The following BCAS3 variants were observed in gnomAD, a reference collection of about 807,000 sequenced individuals.
The protein encoded by BCAS3 is BCAS4/BCAS3 fusion.
A neutral mutation model predicts 116.1 loss-of-function variants in BCAS3; 53 were observed. The observed-to-expected ratio is 0.46, with a 90% CI of 0.37 to 0.57. The LOEUF is 0.57. Ranked by LOEUF, BCAS3 falls within the 20% of genes least tolerant of loss-of-function variation. The pLI is 0.00. For missense variants in BCAS3, 917 were observed against 1,165.4 expected, an observed-to-expected ratio of 0.79 and a Z score of 3.10; for synonymous variants, 391 against 408.2, an observed-to-expected ratio of 0.96 and a Z score of 0.51.
intron 7 of BCAS3, among the ~76,000 whole-genome samples, chr17:60,847,674 T>G (rs1236948809): frequency 6.6e-6 from 1 of 152,210 alleles, no homozygotes; most frequent in East Asian, 1.9e-4. Flanking sequence ...TGCCCACTTT[T>G]TTTTTCTCAT....
At chr17:61,247,069 T>C (rs1490117717) in intron 22 of BCAS3, among the ~76,000 whole-genome samples, 1 of 152,160 alleles carries the variant, frequency 6.6e-6, no homozygotes, top group African/African-American at 2.4e-5. Context: ...TGTATATTAA[T>C]TTCACTGCTA....
At chr17:60,733,654 C>A (rs2040683778) in intron 5 of BCAS3, among the ~76,000 whole-genome samples, 1 of 151,990 alleles carries the variant, frequency 6.6e-6, no homozygotes, top group Admixed American at 6.6e-5. Context: ...CCAGCCTGGG[C>A]AACTTTGTGA....
chr17:61,044,353 A>G lies in BCAS3; in HGVS notation c.2029+3461A>G, dbSNP rs914267890. ...TCCCAGCAACTCGGGAGGCTGAGGC[A>G]GGAGAATGGCGTGAGCCTGGGAGGC... On this transcript the variant is annotated intron_variant, in intron 19 of 23. Coordinates refer to ENST00000407086, the MANE Select transcript of BCAS3 (RefSeq NM_017679.5). 6.0e-5 allele frequency among the ~76,000 whole-genome samples: 9 copies of G among 150,842 alleles called. No individual in the cohort carries two copies. In the East Asian group the frequency reaches 1.8e-3, roughly 30 times the overall value.
chr17:60,686,516 AAT>A (rs2034070338), intron 3 of BCAS3, among the ~76,000 whole-genome samples: 2 of 151,970 alleles, frequency 1.3e-5, no homozygotes, highest in African/African-American at 4.8e-5. Context: ...CACTTATGAA[AAT>A]TTATTTATTT....
At position 61,037,479 on chromosome 17, in the gene BCAS3, A is replaced by C. The variant is rs1364316344; in HGVS notation, c.1763-410A>C. Among the ~76,000 whole-genome samples, 2 of 152,196 alleles carry C rather than the reference A, an allele frequency of 1.3e-5. No individual in the cohort carries two copies. The highest frequency in any genetic ancestry group is 4.8e-5 in the African/African-American group (2 of 41,456). The stretch of plus-strand genomic sequence containing the variant: ...GGCAAGGAACAAGCACCATATGAAA[A>C]AATTCCTGTCGTCTGAGCATGGTGG... On this transcript the variant is annotated intron_variant, in intron 17 of 23. Transcript: ENST00000407086. The surrounding 1 kb of genome is among the most constrained non-coding windows in gnomAD (Gnocchi z 4.7).
chr17:61,064,163 G>T (rs2070365276), intron 19 of BCAS3, among the ~76,000 whole-genome samples: 1 of 152,136 alleles, frequency 6.6e-6, no homozygotes, highest in Non-Finnish European at 1.5e-5. Context: ...GGGTGTCATG[G>T]TATACACCTG....
rs912447785 is a variant in BCAS3 at position 61,128,662 on chromosome 17, T to C, written c.2425+44098T>C. 4 of 916,674 alleles carry C rather than the reference T, an allele frequency of 4.4e-6. No homozygotes were observed. Among genetic ancestry groups the C allele is most frequent in the Non-Finnish European group, 5.2e-6 (4 of 767,430 alleles). The allele number at this position is 916,674 out of a possible 1,614,324, so 56.8% of individuals were successfully genotyped here. A position where few individuals can be genotyped will look rare whatever the true frequency, so the allele number is the denominator to read the frequency against. On this transcript the variant is annotated intron_variant, in intron 22 of 23. Coordinates refer to ENST00000407086, the MANE Select transcript of BCAS3 (RefSeq NM_017679.5). This position sits in a 1 kb window ranked among gnomAD's most constrained non-coding sequence, Gnocchi z 4.1. ...AAACTGTTAGCCCTCTTTTGTATTG[T>C]TTCTGCATCGTCCTGTCAAACATCT...
At chr17:60,699,201 T>C (rs2036054035) in intron 4 of BCAS3, among the ~76,000 whole-genome samples, 1 of 149,288 alleles carries the variant, frequency 6.7e-6, no homozygotes, top group Non-Finnish European at 1.5e-5. Context: ...CACCATTTGT[T>C]TATTTATTTA....
At chr17:61,270,866 TCTC>T (rs2050179893) in intron 22 of BCAS3, among the ~76,000 whole-genome samples, 1 of 151,518 alleles carries the variant, frequency 6.6e-6, no homozygotes, top group South Asian at 2.1e-4. Flanking sequence ...TTCAAGCAAT[TCTC>T]CTGCCTCAGC....
intron 22 of BCAS3, among the ~76,000 whole-genome samples, chr17:61,297,149 G>A (rs1322633904): frequency 1.3e-5 from 2 of 152,162 alleles, no homozygotes; most frequent in Non-Finnish European, 2.9e-5. Context: ...TCCAACATGG[G>A]AAAGGAAATT....
At chr17:61,025,813 G>C (rs545078161) in intron 16 of BCAS3, among the ~76,000 whole-genome samples, 1 of 151,676 alleles carries the variant, frequency 6.6e-6, no homozygotes. Flanking sequence ...TATATAATGC[G>C]CTTCAAGCCT....
rs1602841222 is a variant in BCAS3, at chr17:61,339,968, A to C, written c.2426-28359A>C. Reference sequence around the variant, plus strand: ...AACTGAGAAATGGCTGTGGGATTCAATAATGTGGAAGTCTCTGCATTAATT... The same window carrying C: ...AACTGAGAAATGGCTGTGGGATTCACTAATGTGGAAGTCTCTGCATTAATT... On this transcript the variant is annotated intron_variant, in intron 22 of 23. Coordinates refer to ENST00000407086, the MANE Select transcript of BCAS3 (RefSeq NM_017679.5). The surrounding 1 kb of genome is among the most constrained non-coding windows in gnomAD (Gnocchi z 4.4). Among the ~76,000 whole-genome samples, 1 of 152,182 alleles carries C rather than the reference A, an allele frequency of 6.6e-6. No individual in the cohort carries two copies. The highest frequency in any genetic ancestry group is 2.1e-4 in the South Asian group (1 of 4,834).
At chr17:60,808,129 C>T in intron 7 of BCAS3, 53 bp downstream of exon 7, 2 of 1,209,416 alleles carry the variant, frequency 1.7e-6, no homozygotes, top group African/African-American at 1.5e-5. Flanking sequence ...TTATATTATT[C>T]CAGAGGGAGA....
chr17:60,976,384 A>C (rs2062370766), intron 14 of BCAS3, among the ~76,000 whole-genome samples: 2 of 149,660 alleles, frequency 1.3e-5, no homozygotes, highest in South Asian at 4.2e-4. Context: ...AGGAGTGAAA[A>C]TGCTGGGTCA....
At chr17:60,750,396 A>G (rs1445513309) in intron 6 of BCAS3, among the ~76,000 whole-genome samples, 2 of 152,196 alleles carry the variant, frequency 1.3e-5, no homozygotes, top group African/African-American at 4.8e-5. Flanking sequence ...CAGTGTTGAT[A>G]TATTGAATGC....
At chr17:60,792,236 C>T (rs1053884637) in intron 6 of BCAS3, among the ~76,000 whole-genome samples, 4 of 152,218 alleles carry the variant, frequency 2.6e-5, no homozygotes, top group East Asian at 1.9e-4. Context: ...GCATGCTCCA[C>T]GGAGCCGGTG....
chr17:61,250,009 C>T (rs187542913), intron 22 of BCAS3, among the ~76,000 whole-genome samples: 57 of 152,034 alleles, frequency 3.7e-4, no homozygotes, highest in African/African-American at 1.2e-3. Context: ...TAAGAGCAGC[C>T]ATTGTAAAAC....
chr17:61,124,900 T>C lies in BCAS3; in HGVS notation c.2425+40336T>C, dbSNP rs1391309919. Among the ~76,000 whole-genome samples, 2 of 152,150 alleles carry C rather than the reference T, an allele frequency of 1.3e-5. No individual in the cohort carries two copies. The highest frequency in any genetic ancestry group is 1.5e-5 in the Non-Finnish European group (1 of 68,026). ...GTAGGCAGATTAACCCTAATGAATA[T>C]TGGCTTCCTGGAAATAGATACAGGT... is the stretch of plus-strand genomic sequence containing the variant. On this transcript the variant is annotated intron_variant, in intron 22 of 23. Coordinates refer to ENST00000407086, the MANE Select transcript of BCAS3 (RefSeq NM_017679.5). The surrounding 1 kb of genome is among the most constrained non-coding windows in gnomAD (Gnocchi z 4.6).
In BCAS3 at chr17:61,122,203, G is replaced by A. The variant is rs763678736; in HGVS notation, c.2425+37639G>A. ...TCATACACATGCATCTTCCAGTGAC[G>A]CATTTGAAATGGTGAAATCTGATTG... On this transcript the variant is annotated intron_variant, in intron 22 of 23. Transcript: ENST00000407086. The surrounding 1 kb of genome is among the most constrained non-coding windows in gnomAD (Gnocchi z 4.6). 5.3e-5 allele frequency among the ~76,000 whole-genome samples: 8 copies of A among 152,212 alleles called. No individual in the cohort carries two copies. Among genetic ancestry groups the A allele is most frequent in the East Asian group, 3.9e-4 (2 of 5,178 alleles).
Sources: gnomAD v4.1 joint callset for allele counts (sites outside exome capture counted in the v4.1 genomes callset) on GRCh38, gnomAD v4.1.1 for gene constraint, Gnocchi (gnomAD v3.1) non-coding constraint, MANE v1.5 for transcripts, NCBI Gene and HGNC (gene_info 2026-07-23, HGNC 2026-07-21) for gene names.